RYR3: variants seen among roughly 807,000 people sequenced by gnomAD.
The protein encoded by RYR3 is ryanodine receptor 3.
Under a neutral mutation model 584.3 loss-of-function variants are expected in RYR3, and 207 were observed. The ratio of observed to expected loss-of-function variants is 0.35; its 90% CI spans 0.32 to 0.40. RYR3 has a LOEUF of 0.40. Among genes scored for constraint, RYR3 ranks in the 10% least tolerant of loss-of-function variants. RYR3 has a pLI of 1.00. For missense variants in RYR3, 5,616 were observed against 6,089.2 expected (o/e 0.92, Z 2.59); for synonymous variants, 2,416 against 2,248.5 (o/e 1.07, Z -2.11).
intron 16 of RYR3, among the ~76,000 whole-genome samples, chr15:33,589,361 C>T (rs2059014819): frequency 6.6e-6 from 1 of 152,044 alleles, no homozygotes; most frequent in African/African-American, 2.4e-5. Context: ...GGGTATTAGT[C>T]CTTTGTTGGA....
At chr15:33,824,235 T>C (rs2077260635) in intron 81 of RYR3, among the ~76,000 whole-genome samples, 1 of 152,236 alleles carries the variant, frequency 6.6e-6, no homozygotes, top group Admixed American at 6.5e-5. Flanking sequence ...AACTCATTTA[T>C]AATGACAGCT....
intron 14 of RYR3, among the ~76,000 whole-genome samples, chr15:33,583,847 T>A (rs1030226606): frequency 2.6e-5 from 4 of 151,300 alleles, no homozygotes; most frequent in Non-Finnish European, 5.9e-5. Context: ...AGGTCAGGAG[T>A]TCGAGACCAG....
intron 81 of RYR3, 127 bp from the exon 82 acceptor site, chr15:33,825,476 G>T: frequency 4.9e-6 from 3 of 611,044 alleles, no homozygotes; most frequent in Non-Finnish European, 8.7e-6. Context: ...AACCACCCTG[G>T]AATGTGTTAG....
chr15:33,781,529 T>G (rs973053220), intron 65 of RYR3, among the ~76,000 whole-genome samples: 1 of 152,202 alleles, frequency 6.6e-6, no homozygotes, highest in African/African-American at 2.4e-5. Context: ...GCCACACTTT[T>G]CTTTGCCACT....
At chr15:33,601,043 C>G (rs1453160806) in intron 16 of RYR3, among the ~76,000 whole-genome samples, 1 of 152,106 alleles carries the variant, frequency 6.6e-6, no homozygotes, top group East Asian at 1.9e-4. Context: ...ATTTTGGGCC[C>G]TAGATGCCTC....
In RYR3 at chr15:33,748,198, G is replaced by A. The variant is rs1358919213; in HGVS notation, c.8074G>A (p.Gly2692Arg). The change falls in exon 54 of 104, where the codon GGA becomes AGA. Residue 2692 changes from glycine (G) to arginine (R), a missense_variant. This residue lies in a region of RYR3 where 1,280 missense variants were observed against 1,426.2 expected (regional missense o/e 0.90). Transcript: ENST00000634891. ...VGWTVERTKE[G>R]EALVQQRENE... Reference sequence around the variant, plus strand: ...CTGGACTGTGGAGAGGACCAAAGAGGGAGAAGCTTTGGTTCAACAGCGGGA... The same window carrying A: ...CTGGACTGTGGAGAGGACCAAAGAGAGAGAAGCTTTGGTTCAACAGCGGGA... 1.2e-6 allele frequency: 2 copies of A among 1,613,700 alleles called. No individual in the cohort carries two copies. The highest frequency in any genetic ancestry group is 1.3e-5 in the African/African-American group (1 of 74,908).
At chr15:33,684,115 A>G (rs1566946204) in intron 38 of RYR3, among the ~76,000 whole-genome samples, 1 of 152,264 alleles carries the variant, frequency 6.6e-6, no homozygotes, top group Non-Finnish European at 1.5e-5. Flanking sequence ...CCTGTCTGAC[A>G]GCTCCGAAGA....
chr15:33,602,933 C>G (rs1345695722), intron 17 of RYR3, among the ~76,000 whole-genome samples, 190 bp from the exon 18 acceptor site: 1 of 151,896 alleles, frequency 6.6e-6, no homozygotes, highest in Admixed American at 6.6e-5. Context: ...AACAGGGTCT[C>G]TCTTTGTTAC....
intron 1 of RYR3, among the ~76,000 whole-genome samples, chr15:33,331,828 T>C (rs936448013): frequency 1.3e-5 from 2 of 151,940 alleles, no homozygotes; most frequent in Non-Finnish European, 2.9e-5. Flanking sequence ...TAACAATATG[T>C]GTAAGTTGTG....
In RYR3 at chr15:33,827,138, GGCATGC is replaced by G. The variant is rs2077418811; in HGVS notation, c.11246-60_11246-55del. 3.4e-6 allele frequency: 4 copies of G among 1,185,090 alleles called. No individual in the cohort carries two copies. The Admixed American group carries it at 6.3e-5, about 19-fold the overall frequency. The allele number at this position is 1,185,090 out of a possible 1,614,324, so 73.4% of individuals were successfully genotyped here. A position where few individuals can be genotyped will look rare whatever the true frequency, so the allele number is the denominator to read the frequency against. On this transcript the variant is annotated intron_variant, in intron 84 of 103. Coordinates refer to ENST00000634891, the MANE Select transcript of RYR3 (RefSeq NM_001036.6). ...TGTCTTATCTGAGCTCAGCTGAGAG[GGCATGC>G]TTGGCCCCCTCGGCATGGCAGGGAC...
At chr15:33,763,049 A>G (rs13379626) in intron 60 of RYR3, among the ~76,000 whole-genome samples, 5,803 of 152,310 alleles carry the variant, frequency 0.038, 340 homozygotes, top group African/African-American at 0.13. Context: ...TGGTGTTGAG[A>G]AAACTGGCTA....
chr15:33,813,137 C>A, intron 73 of RYR3, 143 bp downstream of exon 73: 3 of 1,017,770 alleles, frequency 2.9e-6, no homozygotes, highest in Non-Finnish European at 4.3e-6. Flanking sequence ...ATCACCCCCA[C>A]GTGCCATCTC....
intron 60 of RYR3, chr15:33,757,842 G>C: frequency 1.9e-6 from 1 of 513,124 alleles, no homozygotes; most frequent in South Asian, 2.3e-5. Context: ...TCAACATCGG[G>C]ACAGAGATTA....
chr15:33,501,111 G>A (rs2051946427), intron 2 of RYR3, among the ~76,000 whole-genome samples: 1 of 152,110 alleles, frequency 6.6e-6, no homozygotes, highest in African/African-American at 2.4e-5. Flanking sequence ...CCATTTGAGA[G>A]GCTTCCTCTC....
chr15:33,391,258 T>G (rs945904782), intron 1 of RYR3, among the ~76,000 whole-genome samples: 1 of 152,198 alleles, frequency 6.6e-6, no homozygotes, highest in African/African-American at 2.4e-5. Flanking sequence ...CCACTGAGGC[T>G]TCACTCTCAT....
intron 43 of RYR3, among the ~76,000 whole-genome samples, chr15:33,719,174 G>A (rs973394894): frequency 2.0e-4 from 31 of 152,332 alleles, no homozygotes; most frequent in African/African-American, 7.2e-4. Flanking sequence ...GTCTTAGAGC[G>A]TGCTCTGCAT....
chr15:33,836,700 T>C (rs1453944000), intron 87 of RYR3, among the ~76,000 whole-genome samples: 1 of 152,166 alleles, frequency 6.6e-6, no homozygotes, highest in Non-Finnish European at 1.5e-5. Context: ...TAAAGGAGCT[T>C]TGTTGGATGA....
At chr15:33,355,953 C>T (rs1405536558) in intron 1 of RYR3, among the ~76,000 whole-genome samples, 1 of 152,154 alleles carries the variant, frequency 6.6e-6, no homozygotes, top group Non-Finnish European at 1.5e-5. Context: ...TCATATAGAA[C>T]CCTGTAGTAG....
chr15:33,399,659 A>C (rs146502218), intron 1 of RYR3, among the ~76,000 whole-genome samples: 34 of 152,220 alleles, frequency 2.2e-4, no homozygotes, highest in African/African-American at 8.2e-4. Flanking sequence ...AGGAACCCTG[A>C]AATTGCTGAA....
Sources: allele counts gnomAD v4.1 joint callset (sites outside exome capture counted in the v4.1 genomes callset), GRCh38; gene constraint gnomAD v4.1.1; regional missense constraint gnomAD v4.1.1; transcripts MANE v1.5; gene names NCBI Gene and HGNC (gene_info 2026-07-23, HGNC 2026-07-21).